The following RGS6 variants were observed in gnomAD, a reference collection of about 807,000 sequenced individuals.
RGS6 encodes regulator of G protein signaling 6.
In RGS6, 30 loss-of-function variants were observed where a neutral mutation model predicts 78.5. The ratio of observed to expected loss-of-function variants is 0.38; its 90% CI spans 0.29 to 0.52. The LOEUF (loss-of-function observed/expected upper bound fraction) is 0.52, where lower values mean the gene tolerates loss of function less well. Among genes scored for constraint, RGS6 ranks in the 20% least tolerant of loss-of-function variants. RGS6 has a pLI of 0.85. For synonymous variants in RGS6, 206 were observed against 206.0 expected (o/e 1.00, Z 0.00); for missense variants, 495 against 609.7 (o/e 0.81, Z 1.98).
At chr14:72,537,593 C>G in intron 16 of RGS6, 1 of 702,204 alleles carries the variant, frequency 1.4e-6, no homozygotes, top group Non-Finnish European at 2.6e-6. Flanking sequence ...AATGGAGGGG[C>G]TCCTTTGGAG....
the RGS6 span, among the ~76,000 whole-genome samples, chr14:71,872,724 A>G: frequency 4.7e-4 from 72 of 152,222 alleles, no homozygotes; most frequent in African/African-American, 1.6e-3. Context: ...TACATGTGCC[A>G]TGTTGGTGTG....
intron 2 of RGS6, among the ~76,000 whole-genome samples, chr14:72,256,422 C>T (rs1485958300): frequency 1.3e-5 from 2 of 152,134 alleles, no homozygotes; most frequent in Non-Finnish European, 1.5e-5. Flanking sequence ...TCTATAGGAG[C>T]AATTTGGGGG....
intron 2 of RGS6, among the ~76,000 whole-genome samples, chr14:72,281,438 C>T (rs2061571084): frequency 6.6e-6 from 1 of 152,166 alleles, no homozygotes; most frequent in Admixed American, 6.5e-5. Context: ...AATGAGCCAC[C>T]ATGCCTGGCC....
intron 3 of RGS6, among the ~76,000 whole-genome samples, chr14:72,373,011 C>T (rs779924602): frequency 6.6e-6 from 1 of 152,112 alleles, no homozygotes; most frequent in Non-Finnish European, 1.5e-5. Context: ...GACCTCCCCA[C>T]CCCCAGGATC....
chr14:72,498,746 G>T (rs907432600), intron 13 of RGS6, among the ~76,000 whole-genome samples: 1 of 152,144 alleles, frequency 6.6e-6, no homozygotes, highest in African/African-American at 2.4e-5. Flanking sequence ...TACTGGGGTG[G>T]CTCTGGGCGT....
the RGS6 span, among the ~76,000 whole-genome samples, chr14:71,918,981 A>T: frequency 3.2e-5 from 4 of 126,160 alleles, no homozygotes; most frequent in Non-Finnish European, 7.0e-5. Context: ...GTTAGAGAAA[A>T]TTTTTCCTTT....
intron 1 of RGS6, among the ~76,000 whole-genome samples, chr14:71,948,050 AC>A (rs1351596504): frequency 6.6e-6 from 1 of 152,212 alleles, no homozygotes; most frequent in Non-Finnish European, 1.5e-5. Context: ...TTATCTGACC[AC>A]ATAATCTGAG....
chr14:72,196,187 A>G (rs2153728553), intron 2 of RGS6, among the ~76,000 whole-genome samples: 1 of 152,230 alleles, frequency 6.6e-6, no homozygotes, highest in African/African-American at 2.4e-5. Flanking sequence ...TGATTGTGGG[A>G]GGGTACAATG....
intron 2 of RGS6, among the ~76,000 whole-genome samples, chr14:72,302,956 C>T (rs72721888): frequency 2.0e-4 from 30 of 152,312 alleles, no homozygotes; most frequent in Middle Eastern, 3.4e-3. Flanking sequence ...TTCCCCTGTA[C>T]GTGCTCTCTT....
chr14:71,888,418 C>CAAAAAA, the RGS6 span, among the ~76,000 whole-genome samples: 1 of 143,608 alleles, frequency 7.0e-6, no homozygotes. Flanking sequence ...AGCTCTGTCT[C>CAAAAAA]AAAAAAAAAA....
Position 72,008,907 on chromosome 14 carries a change from T to C in RGS6, c.84+44032T>C, listed in dbSNP as rs150141222. 2.6e-5 allele frequency among the ~76,000 whole-genome samples: 4 copies of C among 152,336 alleles called. No individual in the cohort carries two copies. In the East Asian group the frequency reaches 7.7e-4, roughly 29 times the overall value. ...TTGGCTGGCATCCAGGAATTTGGATTTAGGGGAGGCCTGACACCATTTCCT... is the reference window on the plus strand; with the variant it reads ...TTGGCTGGCATCCAGGAATTTGGATCTAGGGGAGGCCTGACACCATTTCCT... On this transcript the variant is annotated intron_variant, in intron 2 of 17. Coordinates refer to ENST00000553525, the MANE Select transcript of RGS6 (RefSeq NM_001204424.2).
chr14:72,232,933 A>G (rs2153812937), intron 2 of RGS6, among the ~76,000 whole-genome samples: 1 of 152,306 alleles, frequency 6.6e-6, no homozygotes, highest in South Asian at 2.1e-4. Flanking sequence ...TGGGGCACCA[A>G]GCAGAGCATG....
At chr14:72,289,402 A>G (rs1003666910) in intron 2 of RGS6, among the ~76,000 whole-genome samples, 2 of 150,830 alleles carry the variant, frequency 1.3e-5, no homozygotes, top group African/African-American at 2.4e-5. Flanking sequence ...TATTGTCAGG[A>G]TGAGCCCCTT....
chr14:72,205,156 C>A (rs2042428066), intron 2 of RGS6, among the ~76,000 whole-genome samples: 1 of 152,212 alleles, frequency 6.6e-6, no homozygotes, highest in South Asian at 2.1e-4. Context: ...GAAGCCTCCC[C>A]TGGACAGTGT....
At chr14:72,032,039 T>C (rs967087908) in intron 2 of RGS6, among the ~76,000 whole-genome samples, 1 of 152,212 alleles carries the variant, frequency 6.6e-6, no homozygotes, top group African/African-American at 2.4e-5. Flanking sequence ...TCCTGTTGTA[T>C]AGTTTAATGG....
chr14:71,889,322 G>A, the RGS6 span, among the ~76,000 whole-genome samples: 2 of 152,190 alleles, frequency 1.3e-5, no homozygotes, highest in Non-Finnish European at 2.9e-5. Context: ...CGAGGAAGAA[G>A]CAGTGAATAT....
intron 16 of RGS6, 71 bp from the exon 17 acceptor site, chr14:72,539,970 G>T: frequency 7.4e-7 from 1 of 1,350,294 alleles, no homozygotes; most frequent in South Asian, 1.4e-5. Flanking sequence ...CTGCTGTTTG[G>T]GAACCACGTA....
At chr14:72,429,749 T>A (rs2094554536) in intron 3 of RGS6, among the ~76,000 whole-genome samples, 1 of 152,238 alleles carries the variant, frequency 6.6e-6, no homozygotes, top group African/African-American at 2.4e-5. Context: ...ACAGCTGATA[T>A]GATTAGGCTT....
intron 2 of RGS6, among the ~76,000 whole-genome samples, chr14:72,261,343 G>T (rs529477354): frequency 6.6e-6 from 1 of 152,140 alleles, no homozygotes; most frequent in Non-Finnish European, 1.5e-5. Flanking sequence ...AGAGGAGGAG[G>T]GTAAAAGGAA....
Sources: allele counts gnomAD v4.1 joint callset (sites outside exome capture counted in the v4.1 genomes callset), GRCh38; gene constraint gnomAD v4.1.1; transcripts MANE v1.5; gene names NCBI Gene and HGNC (gene_info 2026-07-23, HGNC 2026-07-21).